GALNTL6: variants seen among roughly 807,000 people sequenced by gnomAD.
GALNTL6 encodes the protein polypeptide N-acetylgalactosaminyltransferase like 6.
In GALNTL6, 46 loss-of-function variants were observed where a neutral mutation model predicts 73.7. The observed-to-expected ratio is 0.62, with a 90% CI of 0.49 to 0.80. The LOEUF (loss-of-function observed/expected upper bound fraction) is 0.80. Among genes scored for constraint, GALNTL6 ranks in the 30% least tolerant of loss-of-function variants. The pLI, the probability that GALNTL6 is intolerant of heterozygous loss-of-function variation, is 0.00. For missense variants in GALNTL6, 604 were observed against 755.0 expected, an observed-to-expected ratio of 0.80 and a Z score of 2.34; for synonymous variants, 259 against 263.7, an observed-to-expected ratio of 0.98 and a Z score of 0.17.
chr4:172,275,155 A>T (rs1319092468), intron 3 of GALNTL6, among the ~76,000 whole-genome samples: 1 of 152,198 alleles, frequency 6.6e-6, no homozygotes, highest in Non-Finnish European at 1.5e-5. Flanking sequence ...AGAGTTACAA[A>T]TAAGTGCTGA....
intron 5 of GALNTL6, among the ~76,000 whole-genome samples, chr4:172,737,582 G>T (rs1168966867): frequency 1.3e-5 from 2 of 152,132 alleles, no homozygotes; most frequent in Non-Finnish European, 2.9e-5. Flanking sequence ...TTCTTGATCA[G>T]AAAACTCACA....
intron 2 of GALNTL6, among the ~76,000 whole-genome samples, chr4:171,959,785 TG>T (rs1267059498): frequency 3.9e-5 from 6 of 152,216 alleles, no homozygotes; most frequent in African/African-American, 1.4e-4. Context: ...TTCTACGTGA[TG>T]ATACCAGCAT....
At chr4:172,196,087 A>T (rs1366705713) in intron 2 of GALNTL6, among the ~76,000 whole-genome samples, 2 of 151,650 alleles carry the variant, frequency 1.3e-5, no homozygotes, top group Admixed American at 6.6e-5. Context: ...ATAACTGAAT[A>T]GACACAATAA....
At position 172,219,172 on chromosome 4, in the gene GALNTL6, AAATAT is replaced by A. The variant is rs577799219; in HGVS notation, c.139-10478_139-10474del. Among the ~76,000 whole-genome samples the A allele has an allele frequency of 2.4e-3, 330 of 136,686 alleles. 3 individuals carry two copies. The highest frequency in any genetic ancestry group is 7.5e-3 in the Admixed American group (99 of 13,256). The allele number at this position is 136,686 out of a possible 152,430, so 89.7% of individuals were successfully genotyped here. On this transcript the variant is annotated intron_variant, in intron 2 of 12. Transcript: ENST00000506823. ...ATTAATTGATCACTTTGCAATCAGAAAATATAATATGTCAGATTAAGCAAGTGTAT... is the reference window on the plus strand; with the variant it reads ...ATTAATTGATCACTTTGCAATCAGAAAATATGTCAGATTAAGCAAGTGTAT...
intron 2 of GALNTL6, among the ~76,000 whole-genome samples, chr4:172,101,552 A>G (rs1458564809): frequency 5.3e-5 from 8 of 152,204 alleles, no homozygotes; most frequent in African/African-American, 1.4e-4. Context: ...TCTGAGGTCA[A>G]TTGCAGACAT....
intron 7 of GALNTL6, among the ~76,000 whole-genome samples, chr4:172,855,800 C>G (rs1744094851): frequency 6.6e-6 from 1 of 152,136 alleles, no homozygotes; most frequent in Admixed American, 6.5e-5. Flanking sequence ...CCTGTTGCAC[C>G]CTGGAGCTTG....
At chr4:172,283,610 T>G (rs1739139252) in intron 3 of GALNTL6, among the ~76,000 whole-genome samples, 1 of 152,136 alleles carries the variant, frequency 6.6e-6, no homozygotes, top group African/African-American at 2.4e-5. Context: ...TTTCTTGAAT[T>G]TTATTTGCTA....
chr4:172,599,301 A>G (rs1737968008), intron 5 of GALNTL6, among the ~76,000 whole-genome samples: 2 of 151,908 alleles, frequency 1.3e-5, no homozygotes, highest in Non-Finnish European at 2.9e-5. Context: ...ATATTTGAAA[A>G]CCTCATTTTG....
Position 172,757,589 on chromosome 4 carries a change from A to G in GALNTL6, c.554-51772A>G, listed in dbSNP as rs181146436. Reference sequence around the variant, plus strand: ...AACTTCCAGTCTCTATTCCTATACAAAGTAGAAACATCAATTGAATGCAAG... The same window carrying G: ...AACTTCCAGTCTCTATTCCTATACAGAGTAGAAACATCAATTGAATGCAAG... On this transcript the variant is annotated intron_variant, in intron 5 of 12. Coordinates refer to ENST00000506823, the MANE Select transcript of GALNTL6 (RefSeq NM_001034845.3). Among the ~76,000 whole-genome samples the G allele has an allele frequency of 1.7e-3, 257 of 152,362 alleles. 1 individual carries two copies. Among genetic ancestry groups the G allele is most frequent in the African/African-American group, 6.0e-3 (250 of 41,576 alleles).
At chr4:172,952,285 G>A (rs766573235) in intron 10 of GALNTL6, 27 bp downstream of exon 10, 10 of 1,547,770 alleles carry the variant, frequency 6.5e-6, no homozygotes, top group Admixed American at 5.0e-5. Flanking sequence ...TGAAACCTGC[G>A]CCTACCTATG....
intron 3 of GALNTL6, among the ~76,000 whole-genome samples, chr4:172,280,385 A>G (rs1042771094): frequency 3.3e-5 from 5 of 152,166 alleles, no homozygotes; most frequent in Non-Finnish European, 7.3e-5. Flanking sequence ...ATCACTGTAG[A>G]CATAGGACTC....
chr4:172,393,521 A>G (rs921375092), intron 5 of GALNTL6, among the ~76,000 whole-genome samples: 1 of 152,236 alleles, frequency 6.6e-6, no homozygotes, highest in Non-Finnish European at 1.5e-5. Flanking sequence ...GTGTTCATTA[A>G]TGACACATTA....
At chr4:172,498,014 T>C (rs338010) in intron 5 of GALNTL6, among the ~76,000 whole-genome samples, 136,952 of 139,380 alleles carry the variant, frequency 0.98, 67,336 homozygotes, top group Middle Eastern at 1. Context: ...TTTTTTGAGA[T>C]GGAGTCTTGC....
intron 2 of GALNTL6, among the ~76,000 whole-genome samples, chr4:171,875,755 C>T (rs1263219985): frequency 6.7e-6 from 1 of 150,188 alleles, no homozygotes; most frequent in Non-Finnish European, 1.5e-5. Flanking sequence ...ATTTTCCCTC[C>T]TTTCTGCTCA....
At chr4:172,765,260 T>C (rs936669933) in intron 5 of GALNTL6, among the ~76,000 whole-genome samples, 4 of 152,194 alleles carry the variant, frequency 2.6e-5, no homozygotes, top group African/African-American at 9.6e-5. Flanking sequence ...GAAAATTAAA[T>C]GTCCCAAAAT....
chr4:172,556,579 G>T (rs1004401427), intron 5 of GALNTL6, among the ~76,000 whole-genome samples: 1 of 151,802 alleles, frequency 6.6e-6, no homozygotes, highest in Admixed American at 6.6e-5. Flanking sequence ...AATGTAACTG[G>T]CCATTCAGTA....
At chr4:172,688,048 GA>G in intron 5 of GALNTL6, among the ~76,000 whole-genome samples, 1 of 152,132 alleles carries the variant, frequency 6.6e-6, no homozygotes, top group Non-Finnish European at 1.5e-5. Flanking sequence ...CTATTTCCTA[GA>G]TACCTTTTGT....
chr4:172,228,356 AC>A (rs1329764963), intron 2 of GALNTL6, among the ~76,000 whole-genome samples: 1 of 152,130 alleles, frequency 6.6e-6, no homozygotes, highest in Non-Finnish European at 1.5e-5. Flanking sequence ...ATTATGAGCA[AC>A]AAATTCTTTG....
intron 5 of GALNTL6, among the ~76,000 whole-genome samples, chr4:172,464,105 T>A (rs1156828516): frequency 6.6e-6 from 1 of 152,090 alleles, no homozygotes; most frequent in Non-Finnish European, 1.5e-5. Context: ...CTTGCTACAT[T>A]GGCTGGGTTG....
Sources: gnomAD v4.1 joint callset for allele counts (sites outside exome capture counted in the v4.1 genomes callset) on GRCh38, gnomAD v4.1.1 for gene constraint, MANE v1.5 for transcripts, NCBI Gene and HGNC (gene_info 2026-07-23, HGNC 2026-07-21) for gene names.